The following KAZN variants were observed in gnomAD, a reference collection of about 807,000 sequenced individuals.
KAZN encodes the protein kazrin.
A neutral mutation model predicts 87.4 loss-of-function variants in KAZN; 40 were observed. That is an observed-to-expected ratio of 0.46 (90% confidence interval 0.36 to 0.60). The LOEUF (loss-of-function observed/expected upper bound fraction) is 0.60. KAZN is among the 20% of genes least tolerant of loss of function. The pLI is 0.00. For missense variants in KAZN, 898 were observed against 1,073.9 expected (o/e 0.84, Z 2.29); for synonymous variants, 466 against 458.3 (o/e 1.02, Z -0.22).
rs368947912 is a variant in KAZN at position 14,856,254 on chromosome 1, G to T, written c.227-104430G>T. Reference sequence around the variant, plus strand: ...GAAGACCAGAAATAACTTTCCCCACGTGCATTATTAAGTGAATGTGAAGAA... The same window carrying T: ...GAAGACCAGAAATAACTTTCCCCACTTGCATTATTAAGTGAATGTGAAGAA... On this transcript the variant is annotated intron_variant, in intron 1 of 14. Coordinates refer to ENST00000376030, the MANE Select transcript of KAZN (RefSeq NM_201628.3). The surrounding 1 kb of genome is among the most constrained non-coding windows in gnomAD (Gnocchi z 5.2). Among the ~76,000 whole-genome samples the T allele has an allele frequency of 1.3e-5, 2 of 152,140 alleles. No homozygotes were observed. Among genetic ancestry groups the T allele is most frequent in the East Asian group, 3.9e-4 (2 of 5,188 alleles).
chr1:14,002,175 C>T (rs970812195), intron 1 of KAZN, among the ~76,000 whole-genome samples: 15 of 152,254 alleles, frequency 9.9e-5, no homozygotes, highest in Admixed American at 8.5e-4. Flanking sequence ...ACAACCCAGT[C>T]AAAAAGTGGG....
At chr1:13,956,920 CA>C (rs1641572106) in intron 1 of KAZN, among the ~76,000 whole-genome samples, 1 of 152,116 alleles carries the variant, frequency 6.6e-6, no homozygotes, top group Non-Finnish European at 1.5e-5. Flanking sequence ...TATGGCATCC[CA>C]GGTCAGGAGT....
chr1:15,015,272 C>T (rs1248443067), intron 2 of KAZN, among the ~76,000 whole-genome samples: 1 of 151,950 alleles, frequency 6.6e-6, no homozygotes, highest in East Asian at 1.9e-4. Context: ...TCTGCTTCAG[C>T]CTCCTGGGTA....
At chr1:14,047,561 T>TCTG (rs1461501385) in intron 1 of KAZN, among the ~76,000 whole-genome samples, 1 of 152,128 alleles carries the variant, frequency 6.6e-6, no homozygotes, top group African/African-American at 2.4e-5. Flanking sequence ...TTGCAGTACT[T>TCTG]CTGCTGCTTA....
At chr1:14,397,331 C>T (rs1662983388) in intron 2 of KAZN, among the ~76,000 whole-genome samples, 1 of 152,170 alleles carries the variant, frequency 6.6e-6, no homozygotes, top group Non-Finnish European at 1.5e-5. Flanking sequence ...AGTTCCTCTT[C>T]CTGGCTTGTA....
At chr1:14,527,998 C>CCTATCTATCTAT (rs200376042) in intron 2 of KAZN, among the ~76,000 whole-genome samples, 423 of 145,282 alleles carry the variant, frequency 2.9e-3, no homozygotes, top group Admixed American at 3.4e-3. Flanking sequence ...GGTCTAGAAT[C>CCTATCTATCTAT]CTATCTATCT....
At chr1:14,046,545 A>G (rs898862592) in intron 1 of KAZN, among the ~76,000 whole-genome samples, 2 of 152,142 alleles carry the variant, frequency 1.3e-5, no homozygotes, top group African/African-American at 4.8e-5. Flanking sequence ...AAAACAGGTC[A>G]TTTTTCCTCC....
intron 2 of KAZN, among the ~76,000 whole-genome samples, chr1:14,977,766 G>A (rs1665799163): frequency 6.6e-6 from 1 of 152,220 alleles, no homozygotes; most frequent in African/African-American, 2.4e-5. Flanking sequence ...GGCCAGGTCT[G>A]CCCACGAAGC....
At chr1:13,915,751 A>AGAGG (rs34428852) in intron 1 of KAZN, among the ~76,000 whole-genome samples, 5,372 of 152,268 alleles carry the variant, frequency 0.035, 113 homozygotes, top group Middle Eastern at 0.061. Context: ...AGAGAGAGAG[A>AGAGG]GGGGCTTGAG....
At chr1:14,443,690 CCT>C (rs1666821446) in intron 2 of KAZN, among the ~76,000 whole-genome samples, 1 of 152,174 alleles carries the variant, frequency 6.6e-6, no homozygotes, top group Non-Finnish European at 1.5e-5. Flanking sequence ...GTGACTCACT[CCT>C]CTCGAGCCTC....
chr1:14,727,285 G>T (rs926403119), intron 1 of KAZN, among the ~76,000 whole-genome samples: 8 of 151,958 alleles, frequency 5.3e-5, no homozygotes, highest in Non-Finnish European at 1.0e-4. Context: ...CCTGAATCAG[G>T]ATGCTTGCCA....
intron 2 of KAZN, among the ~76,000 whole-genome samples, chr1:14,457,221 A>T (rs2148342328): frequency 1.3e-5 from 2 of 152,290 alleles, no homozygotes; most frequent in East Asian, 3.9e-4. Flanking sequence ...CAAGGCCTAA[A>T]TTTTGCTAAT....
chr1:14,444,628 C>T (rs1666877671), intron 2 of KAZN, among the ~76,000 whole-genome samples: 1 of 152,020 alleles, frequency 6.6e-6, no homozygotes, highest in Non-Finnish European at 1.5e-5. Context: ...CTTTTTTCTG[C>T]TCTATTGGTG....
chr1:14,414,644 T>G (rs1027562306), intron 2 of KAZN, among the ~76,000 whole-genome samples: 6 of 152,084 alleles, frequency 3.9e-5, no homozygotes, highest in African/African-American at 1.4e-4. Context: ...GTGTGTGTGT[T>G]ATACGTATGT....
At chr1:14,291,101 C>T (rs866769628) in intron 2 of KAZN, among the ~76,000 whole-genome samples, 2 of 152,316 alleles carry the variant, frequency 1.3e-5, no homozygotes, top group African/African-American at 4.8e-5. Context: ...CAGTCGGCCC[C>T]TACTGGGAGA....
chr1:14,672,522 C>T (rs1207173902), intron 1 of KAZN, among the ~76,000 whole-genome samples: 10 of 152,146 alleles, frequency 6.6e-5, no homozygotes, highest in East Asian at 1.9e-4. Flanking sequence ...TTTTAGATCC[C>T]GCCCAAAGAA....
chr1:14,410,081 C>T (rs576472776), intron 2 of KAZN, among the ~76,000 whole-genome samples: 1 of 152,256 alleles, frequency 6.6e-6, no homozygotes, highest in Non-Finnish European at 1.5e-5. Context: ...TTAAACAGAA[C>T]AGAATATTAA....
chr1:15,102,594 TCAGAAGAGGGA>T (rs1641115297), intron 11 of KAZN, among the ~76,000 whole-genome samples: 1 of 152,046 alleles, frequency 6.6e-6, no homozygotes, highest in Admixed American at 6.5e-5. Context: ...CAATTCAGGG[TCAGAAGAGGGA>T]CAGAAGAGGG....
At chr1:14,317,425 T>C (rs1325997964) in intron 2 of KAZN, among the ~76,000 whole-genome samples, 1 of 151,992 alleles carries the variant, frequency 6.6e-6, no homozygotes, top group African/African-American at 2.4e-5. Flanking sequence ...ATATCTAAAG[T>C]AGATTTCTTG....
Sources: allele counts gnomAD v4.1 joint callset (sites outside exome capture counted in the v4.1 genomes callset), GRCh38; gene constraint gnomAD v4.1.1; non-coding constraint Gnocchi (gnomAD v3.1); transcripts MANE v1.5; gene names NCBI Gene and HGNC (gene_info 2026-07-23, HGNC 2026-07-21).